Variants in LRRC3B observed in about 807,000 individuals in gnomAD.
LRRC3B encodes the protein leucine rich repeat containing 3B.
In LRRC3B, 2 loss-of-function variants were observed where a neutral mutation model predicts 12.8. The observed-to-expected ratio is 0.16, with a 90% confidence interval of 0.06 to 0.49. LRRC3B has a LOEUF of 0.49. LRRC3B is among the 20% of genes least tolerant of loss of function. The probability of loss-of-function intolerance (pLI) is 0.96; values close to 1 mark genes in which losing one functional copy is unlikely to be tolerated. For missense variants in LRRC3B, 189 were observed against 319.4 expected (o/e 0.59, Z 3.11); for synonymous variants, 132 against 122.0 (o/e 1.08, Z -0.54).
chr3:26,630,431 C>T (rs774339690), intron 1 of LRRC3B, among the ~76,000 whole-genome samples: 2 of 151,926 alleles, frequency 1.3e-5, no homozygotes, highest in Admixed American at 6.6e-5. Context: ...ATCTGTTTAT[C>T]GACTTATAAA....
intron 1 of LRRC3B, among the ~76,000 whole-genome samples, chr3:26,677,991 T>C (rs1446906220): frequency 6.6e-6 from 1 of 151,994 alleles, no homozygotes; most frequent in Non-Finnish European, 1.5e-5. Context: ...TTCTTTTTTA[T>C]TTTTTTGTAG....
chr3:26,654,193 A>T (rs1394170528), intron 1 of LRRC3B, among the ~76,000 whole-genome samples: 1 of 152,212 alleles, frequency 6.6e-6, no homozygotes, highest in Non-Finnish European at 1.5e-5. Context: ...GTGGCTGTTT[A>T]AGTATTTCTT....
chr3:26,705,493 T>G (rs891521857), intron 1 of LRRC3B, among the ~76,000 whole-genome samples: 1 of 152,004 alleles, frequency 6.6e-6, no homozygotes, highest in African/African-American at 2.4e-5. Context: ...ATGGGTCTTA[T>G]TCCCTATCAG....
At chr3:26,680,134 C>T (rs1023055692) in intron 1 of LRRC3B, among the ~76,000 whole-genome samples, 1 of 152,138 alleles carries the variant, frequency 6.6e-6, no homozygotes, top group East Asian at 1.9e-4. Flanking sequence ...AGGACTCTCC[C>T]AGGTGATGCA....
At chr3:26,639,977 A>C (rs1221610762) in intron 1 of LRRC3B, among the ~76,000 whole-genome samples, 1 of 152,030 alleles carries the variant, frequency 6.6e-6, no homozygotes, top group Non-Finnish European at 1.5e-5. Flanking sequence ...ACAGGAAGTT[A>C]ATGTCTCTAC....
At chr3:26,651,183 G>C (rs919080972) in intron 1 of LRRC3B, among the ~76,000 whole-genome samples, 7 of 152,166 alleles carry the variant, frequency 4.6e-5, no homozygotes, top group African/African-American at 7.2e-5. Flanking sequence ...GACTTACTCT[G>C]AGACTCATAA....
chr3:26,679,522 A>AAGAT (rs1699927780), intron 1 of LRRC3B, among the ~76,000 whole-genome samples: 1 of 152,172 alleles, frequency 6.6e-6, no homozygotes, highest in Non-Finnish European at 1.5e-5. Context: ...ACTGTCTTCA[A>AAGAT]AGATTGTTTC....
chr3:26,668,067 C>T (rs2125428520), intron 1 of LRRC3B, among the ~76,000 whole-genome samples: 1 of 152,060 alleles, frequency 6.6e-6, no homozygotes, highest in Middle Eastern at 3.4e-3. Context: ...CATGATGGGG[C>T]ATTTCTGGGT....
chr3:26,650,929 G>C (rs1174617925), intron 1 of LRRC3B, among the ~76,000 whole-genome samples: 3 of 152,136 alleles, frequency 2.0e-5, no homozygotes, highest in African/African-American at 7.2e-5. Context: ...ACAGTAAATT[G>C]ATGTGAAACG....
intron 1 of LRRC3B, among the ~76,000 whole-genome samples, chr3:26,699,116 GTTGTGAA>G (rs577549048): frequency 1.8e-3 from 272 of 152,122 alleles, no homozygotes; most frequent in Admixed American, 4.3e-3. Flanking sequence ...AATACCTCAA[GTTGTGAA>G]TTGGTCTGAT....
chr3:26,676,075 T>C (rs1699853654), intron 1 of LRRC3B, among the ~76,000 whole-genome samples: 1 of 152,044 alleles, frequency 6.6e-6, no homozygotes, highest in South Asian at 2.1e-4. Flanking sequence ...GGGCCTGTTT[T>C]TTCTTTTTTT....
intron 1 of LRRC3B, among the ~76,000 whole-genome samples, chr3:26,633,228 C>A (rs1339551478): frequency 6.6e-6 from 1 of 152,160 alleles, no homozygotes; most frequent in Non-Finnish European, 1.5e-5. Flanking sequence ...TCCACCCATT[C>A]ATCCAAAGGT....
intron 1 of LRRC3B, among the ~76,000 whole-genome samples, chr3:26,668,866 A>G (rs1358561920): frequency 1.3e-5 from 2 of 152,152 alleles, no homozygotes; most frequent in Non-Finnish European, 1.5e-5. Context: ...TGCCTTCTAT[A>G]AGTCTATTTT....
At chr3:26,625,465 G>A (rs946090852) in intron 1 of LRRC3B, 1 of 152,244 alleles carries the variant, frequency 6.6e-6, no homozygotes, top group African/African-American at 2.4e-5. Context: ...CACAGACCAG[G>A]CCTGGTGAGA....
intron 1 of LRRC3B, among the ~76,000 whole-genome samples, chr3:26,630,863 G>A (rs77563370): frequency 6.7e-4 from 102 of 152,274 alleles, no homozygotes; most frequent in East Asian, 6.4e-3. Flanking sequence ...TTTGGAGAAT[G>A]AAAGGGCTCT....
chr3:26,684,000 G>A (rs1430414389), intron 1 of LRRC3B, among the ~76,000 whole-genome samples: 1 of 152,116 alleles, frequency 6.6e-6, no homozygotes, highest in Non-Finnish European at 1.5e-5. Context: ...ATTTTCTCAG[G>A]GTCCTTCTGG....
At chr3:26,644,927 T>C (rs1044034413) in intron 1 of LRRC3B, among the ~76,000 whole-genome samples, 1 of 152,110 alleles carries the variant, frequency 6.6e-6, no homozygotes, top group African/African-American at 2.4e-5. Flanking sequence ...ACAGGTAATA[T>C]ACAAATATAC....
intron 1 of LRRC3B, among the ~76,000 whole-genome samples, chr3:26,692,425 T>C (rs1700210704): frequency 6.6e-6 from 1 of 152,222 alleles, no homozygotes; most frequent in African/African-American, 2.4e-5. Context: ...ACCTTAGACG[T>C]GCATGGATAT....
chr3:26,696,201 A>C (rs1051729028), intron 1 of LRRC3B, among the ~76,000 whole-genome samples: 3 of 152,242 alleles, frequency 2.0e-5, no homozygotes, highest in Admixed American at 2.0e-4. Flanking sequence ...ACCCTGAAAA[A>C]GAAACACAAA....
Sources: gnomAD v4.1 joint callset for allele counts (sites outside exome capture counted in the v4.1 genomes callset) on GRCh38, gnomAD v4.1.1 for gene constraint, MANE v1.5 for transcripts, NCBI Gene and HGNC (gene_info 2026-07-23, HGNC 2026-07-21) for gene names.